Variants in WDR44 observed in about 807,000 individuals in gnomAD.
WDR44 encodes WD repeat-containing protein 44.
In WDR44, 9 loss-of-function variants were observed where a neutral mutation model predicts 65.7. The ratio of observed to expected loss-of-function variants is 0.14; its 90% CI spans 0.08 to 0.24. The LOEUF is 0.24. Ranked by LOEUF, WDR44 falls within the 10% of genes least tolerant of loss-of-function variation. WDR44 has a pLI of 1.00. For synonymous variants in WDR44, 220 were observed against 235.2 expected (o/e 0.94, Z 0.59); for missense variants, 425 against 670.9 (o/e 0.63, Z 4.05).
At chrX:118,382,402 A>T (rs2056727144) in intron 2 of WDR44, among the ~76,000 whole-genome samples, 1 of 112,095 alleles carries the variant, frequency 8.9e-6, no homozygotes, top group Admixed American at 9.5e-5. Flanking sequence ...GAGTGGATGT[A>T]TGGATATGAC....
chrX:118,411,141 T>G (rs1009890584), intron 12 of WDR44, among the ~76,000 whole-genome samples, 182 bp downstream of exon 12: 5 of 111,093 alleles, frequency 4.5e-5, no homozygotes, highest in African/African-American at 1.6e-4. Context: ...TTTTTGATAT[T>G]TAAAGGTTGC....
chrX:118,355,397 C>T (rs1049001854), intron 1 of WDR44, among the ~76,000 whole-genome samples: 4 of 112,072 alleles, frequency 3.6e-5, no homozygotes, highest in African/African-American at 1.3e-4. Flanking sequence ...TTGGTAAAGA[C>T]TTTAGTGTTA....
chrX:118,346,152 TG>T lies in WDR44; in HGVS notation c.-351del. On this transcript the variant is annotated 5_prime_UTR_variant, in exon 1 of 20. Transcript: ENST00000254029. The stretch of plus-strand genomic sequence containing the variant: ...TCTTCCAGCTGCTGTAAATTGCTGC[TG>T]CGGGAGAAACTGGAGCCGCTGTAGC... The T allele has an allele frequency of 3.3e-6, 1 of 303,403 alleles. No homozygotes were observed. Among genetic ancestry groups the T allele is most frequent in the Non-Finnish European group, 5.8e-6 (1 of 173,542 alleles). 25.0% of individuals were successfully genotyped at this position (303,403 alleles called of 1,213,427 possible).
intron 8 of WDR44, among the ~76,000 whole-genome samples, chrX:118,401,852 A>G (rs12839281): frequency 0.27 from 29,023 of 106,086 alleles, 3,553 homozygotes; most frequent in African/African-American, 0.38. Flanking sequence ...TTTGTATAAG[A>G]TGTAAGGAAG....
At chrX:118,424,323 G>GTGTGTGTATATATATATATATATATA (rs1289349202) in intron 12 of WDR44, among the ~76,000 whole-genome samples, 5 of 65,552 alleles carry the variant, frequency 7.6e-5, no homozygotes, top group African/African-American at 4.0e-4. Flanking sequence ...GTGTGTGTGT[G>GTGTGTGTATATATATATATATATATA]TATATATATA....
intron 12 of WDR44, among the ~76,000 whole-genome samples, chrX:118,424,070 G>C (rs1040835310): frequency 3.7e-5 from 4 of 109,428 alleles, no homozygotes; most frequent in African/African-American, 1.3e-4. Flanking sequence ...TGGGAGTTCA[G>C]ATACCTCTCT....
intron 12 of WDR44, among the ~76,000 whole-genome samples, chrX:118,419,096 C>T (rs1270328231): frequency 9.0e-6 from 1 of 111,096 alleles, no homozygotes; most frequent in Non-Finnish European, 1.9e-5. Flanking sequence ...AGAACTTGCC[C>T]CAGGCTACTC....
intron 6 of WDR44, among the ~76,000 whole-genome samples, chrX:118,395,756 C>T (rs192785768): frequency 9.0e-6 from 1 of 111,690 alleles, no homozygotes; most frequent in Non-Finnish European, 1.9e-5. Context: ...GGTGTGGTGG[C>T]TCACTCCTGT....
chrX:118,379,769 C>T (rs1054472994), intron 2 of WDR44, among the ~76,000 whole-genome samples: 5 of 111,424 alleles, frequency 4.5e-5, no homozygotes, highest in East Asian at 5.6e-4. Flanking sequence ...ATAACTCTTA[C>T]GCTAAATAAA....
chrX:118,422,837 G>A (rs1233525545), intron 12 of WDR44, among the ~76,000 whole-genome samples: 11 of 111,998 alleles, frequency 9.8e-5, no homozygotes, highest in Admixed American at 8.5e-4. Flanking sequence ...ACTATTAATA[G>A]CCTCACTTTA....
chrX:118,428,864 A>C (rs1238114918), intron 12 of WDR44, among the ~76,000 whole-genome samples: 5 of 112,482 alleles, frequency 4.4e-5, no homozygotes, highest in East Asian at 2.8e-4. Context: ...ATGGAATACT[A>C]TGCAGCCATA....
chrX:118,396,944 TG>T, intron 6 of WDR44, 25 bp from the exon 7 acceptor site: 1 of 1,151,385 alleles, frequency 8.7e-7, no homozygotes, highest in South Asian at 2.1e-5. Flanking sequence ...CATCTTGGTG[TG>T]ATTGTTTTTT....
At chrX:118,396,178 A>G (rs940540929) in intron 6 of WDR44, among the ~76,000 whole-genome samples, 2 of 112,063 alleles carry the variant, frequency 1.8e-5, no homozygotes, top group African/African-American at 6.5e-5. Flanking sequence ...ATTTTACAGC[A>G]AAATCTTAGT....
At chrX:118,413,501 A>G (rs1260885821) in intron 12 of WDR44, among the ~76,000 whole-genome samples, 2 of 111,500 alleles carry the variant, frequency 1.8e-5, no homozygotes, top group Non-Finnish European at 3.8e-5. Context: ...AGAATTGTCT[A>G]TTTATGTCCT....
At chrX:118,376,094 T>C (rs2056657166) in intron 1 of WDR44, among the ~76,000 whole-genome samples, 2 of 111,120 alleles carry the variant, frequency 1.8e-5, no homozygotes, top group African/African-American at 6.5e-5. Context: ...TGCAACCCCA[T>C]GCCTGGCTGG....
At chrX:118,352,340 ATATATATATATATTTTTTTT>A (rs1159939194) in intron 1 of WDR44, among the ~76,000 whole-genome samples, 2 of 19,859 alleles carry the variant, frequency 1.0e-4, no homozygotes, top group African/African-American at 9.8e-4. Context: ...ATATATATAT[ATATATATATATATTTTTTTT>A]TTTTTTTTTT....
intron 1 of WDR44, among the ~76,000 whole-genome samples, chrX:118,369,314 G>A (rs899385379): frequency 8.4e-5 from 9 of 106,516 alleles, no homozygotes; most frequent in African/African-American, 3.1e-4. Flanking sequence ...TGGGACTATA[G>A]GCACCCGCCA....
At chrX:118,370,902 T>G (rs934895838) in intron 1 of WDR44, among the ~76,000 whole-genome samples, 2 of 110,398 alleles carry the variant, frequency 1.8e-5, no homozygotes, top group Non-Finnish European at 3.8e-5. Flanking sequence ...TTTTTTTTTT[T>G]AATAAATTAC....
At chrX:118,405,272 G>A in intron 9 of WDR44, among the ~76,000 whole-genome samples, 1 of 110,118 alleles carries the variant, frequency 9.1e-6, no homozygotes, top group Admixed American at 9.8e-5. Context: ...CTGACCTCAG[G>A]TGATCCACCC....
Sources: allele counts gnomAD v4.1 joint callset (sites outside exome capture counted in the v4.1 genomes callset), GRCh38; gene constraint gnomAD v4.1.1; transcripts MANE v1.5; gene names NCBI Gene and HGNC (gene_info 2026-07-23, HGNC 2026-07-21).